Variants in EHD4 observed in about 807,000 individuals in gnomAD.
EHD4 encodes the protein EH domain-containing protein 4.
A neutral mutation model predicts 51.0 loss-of-function variants in EHD4; 37 were observed. The observed-to-expected ratio is 0.73, with a 90% CI of 0.56 to 0.95. EHD4 has a LOEUF of 0.95. Among genes scored for constraint, EHD4 ranks in the 40% least tolerant of loss-of-function variants. EHD4 has a pLI of 0.00. For missense variants in EHD4, 632 were observed against 733.1 expected, an observed-to-expected ratio of 0.86 and a Z score of 1.59; for synonymous variants, 297 against 317.3, an observed-to-expected ratio of 0.94 and a Z score of 0.68.
chr15:41,926,754 C>A (rs1354020873), intron 3 of EHD4, among the ~76,000 whole-genome samples: 1 of 152,236 alleles, frequency 6.6e-6, no homozygotes, highest in Admixed American at 6.5e-5. Flanking sequence ...TAAGCCCCAC[C>A]CTCTCCACTG....
intron 3 of EHD4, chr15:41,928,992 C>G (rs551051842): frequency 1.3e-5 from 2 of 152,354 alleles, no homozygotes; most frequent in South Asian, 2.1e-4. Flanking sequence ...TTTGGAGAGG[C>G]TGGATGTGAG....
chr15:41,929,077 T>C (rs1482763184), intron 3 of EHD4, among the ~76,000 whole-genome samples: 4 of 152,200 alleles, frequency 2.6e-5, no homozygotes, highest in Non-Finnish European at 5.9e-5. Flanking sequence ...CCCCAGAGGT[T>C]GTCTCCCAGT....
Position 41,899,820 on chromosome 15 carries a change from A to G in EHD4, c.*825T>C, listed in dbSNP as rs920074006. ...GTGGGCTTTGCTATTACTTATTGGA[A>G]AAACCAGTAAGAAAAGCTAATTTTC... is the stretch of plus-strand genomic sequence containing the variant. On this transcript the variant is annotated 3_prime_UTR_variant, in exon 6 of 6. Transcript: ENST00000220325. The G allele has an allele frequency of 1.3e-5, 2 of 152,260 alleles. No individual in the cohort carries two copies. The highest frequency in any genetic ancestry group is 4.8e-5 in the African/African-American group (2 of 41,468). 9.4% of individuals were successfully genotyped at this position (152,260 alleles called of 1,614,324 possible).
chr15:41,924,795 G>C (rs568558817), intron 3 of EHD4, among the ~76,000 whole-genome samples: 1 of 152,052 alleles, frequency 6.6e-6, no homozygotes, highest in Non-Finnish European at 1.5e-5. Flanking sequence ...CATTTTTCAC[G>C]CCTGTAATCC....
chr15:41,955,920 C>T (rs1297588551), intron 1 of EHD4, among the ~76,000 whole-genome samples: 2 of 152,228 alleles, frequency 1.3e-5, no homozygotes, highest in Admixed American at 1.3e-4. Flanking sequence ...CTTGCCTCCA[C>T]TCACGTCCAG....
chr15:41,917,730 T>C (rs1048034602), intron 4 of EHD4, among the ~76,000 whole-genome samples: 39 of 152,146 alleles, frequency 2.6e-4, no homozygotes, highest in African/African-American at 9.2e-4. Context: ...GCAAAATCAT[T>C]TCAGGAGAGC....
chr15:41,941,014 G>A (rs1295097420), intron 3 of EHD4, among the ~76,000 whole-genome samples: 1 of 152,130 alleles, frequency 6.6e-6, no homozygotes, highest in Non-Finnish European at 1.5e-5. Flanking sequence ...AGTGAAACAC[G>A]GGCAGCTCAG....
chr15:41,947,370 T>C (rs931772974), intron 2 of EHD4, among the ~76,000 whole-genome samples: 1 of 152,168 alleles, frequency 6.6e-6, no homozygotes, highest in Admixed American at 6.5e-5. Context: ...TCTCCCTTAC[T>C]CATTCTGAGA....
At chr15:41,949,034 A>ATG (rs1555382847) in intron 2 of EHD4, among the ~76,000 whole-genome samples, 1 of 130,098 alleles carries the variant, frequency 7.7e-6, no homozygotes. Flanking sequence ...ATATATATAT[A>ATG]TATATATATA....
At chr15:41,970,159 G>T (rs1300854524) in intron 1 of EHD4, among the ~76,000 whole-genome samples, 2 of 152,100 alleles carry the variant, frequency 1.3e-5, no homozygotes, top group Non-Finnish European at 2.9e-5. Flanking sequence ...ATTTCCTCCC[G>T]GGTGCTAAAT....
At chr15:41,933,451 T>G (rs2067711932) in intron 3 of EHD4, among the ~76,000 whole-genome samples, 1 of 152,184 alleles carries the variant, frequency 6.6e-6, no homozygotes, top group South Asian at 2.1e-4. Flanking sequence ...TTCCCCTGTT[T>G]TAGAGCAGGG....
chr15:41,971,759 G>A (rs2067997143), intron 1 of EHD4, among the ~76,000 whole-genome samples: 1 of 152,200 alleles, frequency 6.6e-6, no homozygotes, highest in African/African-American at 2.4e-5. Context: ...CTGTGGGGTG[G>A]CACGTAAAGA....
Position 41,915,184 on chromosome 15 carries a change from G to A in EHD4, c.924+4026C>T, listed in dbSNP as rs897024582. Among the ~76,000 whole-genome samples, 12 of 152,180 alleles carry A rather than the reference G, an allele frequency of 7.9e-5. No homozygotes were observed. In the South Asian group the frequency reaches 2.5e-3, roughly 32 times the overall value. ...ATATACATTCATATACATTTAAAAG[G>A]GAGGACTTTCCTTTCTGCTCATTGA... is the stretch of plus-strand genomic sequence containing the variant. On this transcript the variant is annotated intron_variant, in intron 4 of 5. Coordinates refer to ENST00000220325, the MANE Select transcript of EHD4 (RefSeq NM_139265.4).
rs149519203 is a variant in EHD4 at position 41,905,732 on chromosome 15, G to A, written c.1089+3967C>T. 7.8e-3 allele frequency among the ~76,000 whole-genome samples: 1,192 copies of A among 152,208 alleles called. 18 individuals carry two copies. Among genetic ancestry groups the A allele is most frequent in the African/African-American group, 0.027 (1,106 of 41,504 alleles). ...GTCGCCCAGGCTGGAGTGCAGTGGC[G>A]TGATCATGGCTCATAGCAGCCTCGA... On this transcript the variant is annotated intron_variant, in intron 5 of 5. Coordinates refer to ENST00000220325, the MANE Select transcript of EHD4 (RefSeq NM_139265.4).
At chr15:41,950,767 C>G (rs1371817478) in intron 2 of EHD4, among the ~76,000 whole-genome samples, 2 of 152,138 alleles carry the variant, frequency 1.3e-5, no homozygotes, top group African/African-American at 2.4e-5. Context: ...GGGTGTGGGA[C>G]AGGGGAGAAG....
Position 41,900,496 on chromosome 15 carries a change from T to G in EHD4, c.*149A>C, listed in dbSNP as rs1320094510. On this transcript the variant is annotated 3_prime_UTR_variant, in exon 6 of 6. Transcript: ENST00000220325. This position sits in a 1 kb window ranked among gnomAD's most constrained non-coding sequence, Gnocchi z 4.8. ...TTTGGAGGTGAAAGAAGTCATCTAG[T>G]TTCCAGTGTCCACCCTCCCCATTCT... The G allele has an allele frequency of 7.7e-6, 6 of 775,942 alleles. No homozygotes were observed. Among genetic ancestry groups the G allele is most frequent in the Non-Finnish European group, 8.0e-6 (4 of 500,376 alleles). The allele number at this position is 775,942 out of a possible 1,614,324, so 48.1% of individuals were successfully genotyped here.
At chr15:41,912,163 G>C (rs765025999) in intron 4 of EHD4, among the ~76,000 whole-genome samples, 3 of 152,076 alleles carry the variant, frequency 2.0e-5, no homozygotes, top group Non-Finnish European at 2.9e-5. Context: ...CTTGTGCCAG[G>C]TCTCAACTCC....
chr15:41,970,737 G>C (rs1342474081), intron 1 of EHD4, among the ~76,000 whole-genome samples: 1 of 152,172 alleles, frequency 6.6e-6, no homozygotes, highest in African/African-American at 2.4e-5. Flanking sequence ...AAATGCCTAG[G>C]GTGTGGGGAC....
At chr15:41,925,075 G>T (rs1449296494) in intron 3 of EHD4, among the ~76,000 whole-genome samples, 1 of 148,406 alleles carries the variant, frequency 6.7e-6, no homozygotes, top group Admixed American at 6.7e-5. Flanking sequence ...AAAAAAAAAA[G>T]GTGCATTTAA....
Sources: allele counts gnomAD v4.1 joint callset (sites outside exome capture counted in the v4.1 genomes callset), GRCh38; gene constraint gnomAD v4.1.1; non-coding constraint Gnocchi (gnomAD v3.1); transcripts MANE v1.5; gene names NCBI Gene and HGNC (gene_info 2026-07-23, HGNC 2026-07-21).